The following GOPC variants were observed in gnomAD, a reference collection of about 807,000 sequenced individuals.
The protein encoded by GOPC is Golgi-associated PDZ and coiled-coil motif-containing protein.
GOPC carries 32 observed loss-of-function variants against 51.2 expected under a neutral mutation model. The observed-to-expected ratio is 0.63, with a 90% CI of 0.47 to 0.84. The LOEUF is 0.84. Ranked by LOEUF, GOPC falls within the 40% of genes least tolerant of loss-of-function variation. The pLI, the probability that GOPC is intolerant of heterozygous loss-of-function variation, is 0.00. For missense variants in GOPC, 441 were observed against 555.5 expected (o/e 0.79, Z 2.07); for synonymous variants, 190 against 205.1 (o/e 0.93, Z 0.63).
chr6:117,584,354 T>C (rs1424322442), intron 1 of GOPC, among the ~76,000 whole-genome samples: 1 of 152,222 alleles, frequency 6.6e-6, no homozygotes, highest in Admixed American at 6.5e-5. Flanking sequence ...CCCATTCTTT[T>C]CAGACACTAG....
chr6:117,575,548 C>A (rs530893142), intron 3 of GOPC, 196 bp from the exon 4 acceptor site: 3 of 750,998 alleles, frequency 4.0e-6, no homozygotes, highest in Admixed American at 3.4e-5. Context: ...AATAATTGCA[C>A]GCCATGGGTT....
chr6:117,585,064 T>G (rs1465538436), intron 1 of GOPC, among the ~76,000 whole-genome samples: 6 of 152,146 alleles, frequency 3.9e-5, no homozygotes, highest in Admixed American at 2.6e-4. Flanking sequence ...TTCTTTATAG[T>G]GACACAAAAA....
chr6:117,592,552 C>T (rs1459744578), intron 1 of GOPC, among the ~76,000 whole-genome samples: 1 of 152,136 alleles, frequency 6.6e-6, no homozygotes, highest in Non-Finnish European at 1.5e-5. Flanking sequence ...GTAGATACAT[C>T]ACTCCAATCT....
chr6:117,569,860 G>T, intron 6 of GOPC, 124 bp from the exon 7 acceptor site: 2 of 1,089,356 alleles, frequency 1.8e-6, no homozygotes, highest in Non-Finnish European at 2.4e-6. Context: ...CTCTATAAAT[G>T]CTGGGTAAAA....
At chr6:117,597,017 A>G (rs1175467002) in intron 1 of GOPC, among the ~76,000 whole-genome samples, 2 of 152,200 alleles carry the variant, frequency 1.3e-5, no homozygotes, top group Non-Finnish European at 2.9e-5. Flanking sequence ...CCCATTCATG[A>G]GCATGGGATG....
intron 1 of GOPC, among the ~76,000 whole-genome samples, chr6:117,598,579 A>G (rs979879370): frequency 6.6e-6 from 1 of 152,194 alleles, no homozygotes; most frequent in Non-Finnish European, 1.5e-5. Flanking sequence ...AGACTCTCAC[A>G]AGAAGCTGGC....
At chr6:117,575,701 C>T (rs1346762164) in intron 3 of GOPC, among the ~76,000 whole-genome samples, 2 of 152,178 alleles carry the variant, frequency 1.3e-5, no homozygotes, top group Non-Finnish European at 1.5e-5. Context: ...CCCCAATAGA[C>T]ATTTTAACTG....
rs375044998 is a variant in GOPC, at chr6:117,569,881, T to C, written c.913-145A>G. ...AAATGCTGGGTAAAATTTTATTTGCTACTTAAGTAATGGTAAAAATTATCA... is the reference window on the plus strand; with the variant it reads ...AAATGCTGGGTAAAATTTTATTTGCCACTTAAGTAATGGTAAAAATTATCA... On this transcript the variant is annotated intron_variant, in intron 6 of 8. Transcript: ENST00000368498. 4 of 905,122 alleles carry C rather than the reference T, an allele frequency of 4.4e-6. No individual in the cohort carries two copies. The African/African-American group carries it at 5.3e-5, about 12-fold the overall frequency. 56.1% of individuals were successfully genotyped at this position (905,122 alleles called of 1,614,324 possible).
chr6:117,601,955 C>G (rs1255934564), intron 1 of GOPC, 49 bp downstream of exon 1: 1 of 1,591,362 alleles, frequency 6.3e-7, no homozygotes, highest in Non-Finnish European at 8.6e-7. Context: ...TCTGACGCCA[C>G]CGGGCAGCCT....
chr6:117,565,066 G>GA (rs1251920265), intron 8 of GOPC, among the ~76,000 whole-genome samples: 1 of 151,764 alleles, frequency 6.6e-6, no homozygotes, highest in Non-Finnish European at 1.5e-5. Context: ...AGGTAAAATT[G>GA]AAAAATCTAA....
chr6:117,587,822 T>C (rs1181066848), intron 1 of GOPC, among the ~76,000 whole-genome samples: 2 of 152,072 alleles, frequency 1.3e-5, no homozygotes, highest in Middle Eastern at 3.2e-3. Context: ...TCAGTAGTCA[T>C]TGTAGTCTTT....
intron 7 of GOPC, among the ~76,000 whole-genome samples, chr6:117,567,310 C>T (rs1358025615): frequency 6.6e-6 from 1 of 152,040 alleles, no homozygotes; most frequent in Non-Finnish European, 1.5e-5. Flanking sequence ...TAAGAGGATG[C>T]TTAATTATTA....
At chr6:117,592,789 T>C (rs965627615) in intron 1 of GOPC, among the ~76,000 whole-genome samples, 1 of 152,216 alleles carries the variant, frequency 6.6e-6, no homozygotes, top group Non-Finnish European at 1.5e-5. Context: ...CCACTACAGA[T>C]ACTGATCAAT....
At chr6:117,575,737 TA>T (rs1288287718) in intron 3 of GOPC, among the ~76,000 whole-genome samples, 4 of 152,166 alleles carry the variant, frequency 2.6e-5, no homozygotes, top group Non-Finnish European at 4.4e-5. Flanking sequence ...AAAAACCACG[TA>T]AACACTGAAA....
intron 5 of GOPC, among the ~76,000 whole-genome samples, chr6:117,572,035 T>C (rs1387927686): frequency 6.6e-6 from 1 of 152,180 alleles, no homozygotes; most frequent in Non-Finnish European, 1.5e-5. Flanking sequence ...TTCCAAGGTT[T>C]CAAGTATAAT....
chr6:117,573,866 C>T (rs1367402264), intron 4 of GOPC, among the ~76,000 whole-genome samples: 2 of 152,030 alleles, frequency 1.3e-5, no homozygotes, highest in African/African-American at 4.8e-5. Flanking sequence ...TTAATGTGAA[C>T]TCCTTTAGTC....
chr6:117,601,963 C>A (rs1478453378), intron 1 of GOPC, 41 bp downstream of exon 1: 3 of 1,602,596 alleles, frequency 1.9e-6, no homozygotes, highest in African/African-American at 1.3e-5. Context: ...CACCGGGCAG[C>A]CTGGGGTTGG....
intron 1 of GOPC, among the ~76,000 whole-genome samples, chr6:117,593,626 T>C (rs968314629): frequency 2.0e-5 from 3 of 152,176 alleles, no homozygotes; most frequent in Non-Finnish European, 4.4e-5. Context: ...CCCTGTAAAG[T>C]TGGAGTAACT....
intron 1 of GOPC, among the ~76,000 whole-genome samples, chr6:117,597,975 C>T (rs1780225210): frequency 6.6e-6 from 1 of 151,646 alleles, no homozygotes; most frequent in African/African-American, 2.4e-5. Context: ...GCATTGAAGA[C>T]CACATGGATG....
Sources: allele counts gnomAD v4.1 joint callset (sites outside exome capture counted in the v4.1 genomes callset), GRCh38; gene constraint gnomAD v4.1.1; transcripts MANE v1.5; gene names NCBI Gene and HGNC (gene_info 2026-07-23, HGNC 2026-07-21).